RBFOX1: variants seen among roughly 807,000 people sequenced by gnomAD.
RBFOX1 encodes the protein RNA binding fox-1 homolog 1.
A neutral mutation model predicts 57.7 loss-of-function variants in RBFOX1; 8 were observed. The observed-to-expected ratio is 0.14, with a 90% CI of 0.08 to 0.25. RBFOX1 has a LOEUF of 0.25. Among genes scored for constraint, RBFOX1 ranks in the 10% least tolerant of loss-of-function variants. The probability of loss-of-function intolerance (pLI) is 1.00; values close to 1 mark genes in which losing one functional copy is unlikely to be tolerated. For missense variants in RBFOX1, 611 were observed against 548.5 expected (o/e 1.11, Z -1.14); for synonymous variants, 326 against 222.4 (o/e 1.47, Z -4.15).
intron 3 of RBFOX1, among the ~76,000 whole-genome samples, chr16:5,787,720 C>T (rs370022739): frequency 7.9e-5 from 12 of 152,290 alleles, no homozygotes; most frequent in African/African-American, 2.9e-4. Context: ...GAGAGGGTGA[C>T]ACCACCAGCC....
chr16:7,180,719 A>G (rs1215780877), intron 4 of RBFOX1, among the ~76,000 whole-genome samples: 1 of 151,612 alleles, frequency 6.6e-6, no homozygotes. Context: ...ATGATGAAAA[A>G]AAAAAAAAAA....
intron 4 of RBFOX1, among the ~76,000 whole-genome samples, chr16:7,162,176 A>C (rs2078467321): frequency 6.6e-6 from 1 of 152,116 alleles, no homozygotes; most frequent in African/African-American, 2.4e-5. Flanking sequence ...ATGTGCCAAT[A>C]ATGGCAGAAT....
At chr16:6,362,958 CAG>C in intron 2 of RBFOX1, among the ~76,000 whole-genome samples, 1 of 152,182 alleles carries the variant, frequency 6.6e-6, no homozygotes, top group Middle Eastern at 3.2e-3. Flanking sequence ...AAAGGTTGTA[CAG>C]CCTGCCACCT....
intron 2 of RBFOX1, among the ~76,000 whole-genome samples, chr16:6,367,116 C>T (rs1001931779): frequency 6.6e-6 from 1 of 152,160 alleles, no homozygotes; most frequent in Non-Finnish European, 1.5e-5. Context: ...CACCTCGATG[C>T]AGGTGATAAA....
intron 1 of RBFOX1, among the ~76,000 whole-genome samples, chr16:5,423,108 A>G: frequency 8.0e-6 from 1 of 124,704 alleles, no homozygotes; most frequent in African/African-American, 3.0e-5. Context: ...GAGGAGGGAG[A>G]GGGAGGAAGG....
chr16:7,120,655 A>G (rs1006065771), intron 4 of RBFOX1, among the ~76,000 whole-genome samples: 1 of 150,594 alleles, frequency 6.6e-6, no homozygotes, highest in Non-Finnish European at 1.5e-5. Flanking sequence ...TCAGACACAA[A>G]TGGTTTCATT....
intron 1 of RBFOX1, among the ~76,000 whole-genome samples, chr16:6,313,647 C>T (rs1295922535): frequency 6.6e-6 from 1 of 152,148 alleles, no homozygotes; most frequent in African/African-American, 2.4e-5. Flanking sequence ...CACCTTCATT[C>T]TGCCTGACTT....
At chr16:6,184,609 G>C (rs950015529) in intron 1 of RBFOX1, among the ~76,000 whole-genome samples, 11 of 152,160 alleles carry the variant, frequency 7.2e-5, no homozygotes, top group African/African-American at 2.7e-4. Context: ...GCCCAGGCTG[G>C]AGTGCAGTGG....
intron 2 of RBFOX1, among the ~76,000 whole-genome samples, chr16:6,582,621 C>G (rs1023575674): frequency 3.9e-5 from 6 of 151,960 alleles, no homozygotes; most frequent in Non-Finnish European, 7.4e-5. Flanking sequence ...ATCGTAGATC[C>G]AAGAGGTCAA....
At chr16:7,495,539 G>C (rs901745820) in intron 4 of RBFOX1, among the ~76,000 whole-genome samples, 1 of 152,110 alleles carries the variant, frequency 6.6e-6, no homozygotes, top group Non-Finnish European at 1.5e-5. Flanking sequence ...GTATCTCACT[G>C]TGGTTTAGAT....
At chr16:6,945,102 A>T (rs892467524) in intron 3 of RBFOX1, among the ~76,000 whole-genome samples, 2 of 152,140 alleles carry the variant, frequency 1.3e-5, no homozygotes, top group African/African-American at 4.8e-5. Flanking sequence ...TCTGCACCCA[A>T]CGTCCCTTTG....
At chr16:5,529,867 C>G (rs982985245) in intron 2 of RBFOX1, among the ~76,000 whole-genome samples, 1 of 152,142 alleles carries the variant, frequency 6.6e-6, no homozygotes, top group Non-Finnish European at 1.5e-5. Flanking sequence ...CGTGCCTGTC[C>G]TCAGTGTCCT....
chr16:6,416,082 C>A (rs1295394244), intron 2 of RBFOX1, among the ~76,000 whole-genome samples: 1 of 152,190 alleles, frequency 6.6e-6, no homozygotes, highest in Non-Finnish European at 1.5e-5. Flanking sequence ...CGGTAATTCA[C>A]CTGCATGAAT....
At chr16:6,833,072 A>G (rs1054991133) in intron 3 of RBFOX1, among the ~76,000 whole-genome samples, 1 of 149,558 alleles carries the variant, frequency 6.7e-6, no homozygotes, top group Non-Finnish European at 1.5e-5. Context: ...TTTCCACCTC[A>G]TGGTCTTTGA....
At chr16:7,393,634 G>C (rs78364393) in intron 4 of RBFOX1, among the ~76,000 whole-genome samples, 2,951 of 152,180 alleles carry the variant, frequency 0.019, 93 homozygotes, top group African/African-American at 0.068. Flanking sequence ...GGGAAACATA[G>C]CCTCAGCCTG....
At chr16:6,473,093 T>A (rs1194139935) in intron 2 of RBFOX1, among the ~76,000 whole-genome samples, 1 of 152,160 alleles carries the variant, frequency 6.6e-6, no homozygotes, top group African/African-American at 2.4e-5. Context: ...CCCCTAGTCT[T>A]CTGCCCGGGG....
intron 3 of RBFOX1, among the ~76,000 whole-genome samples, chr16:6,681,716 C>G (rs2058681120): frequency 6.6e-6 from 1 of 150,844 alleles, no homozygotes; most frequent in African/African-American, 2.4e-5. Flanking sequence ...AATGTTCAAA[C>G]TTATCTGACG....
At chr16:7,182,520 G>A (rs529933735) in intron 4 of RBFOX1, among the ~76,000 whole-genome samples, 41 of 152,294 alleles carry the variant, frequency 2.7e-4, no homozygotes, top group African/African-American at 9.9e-4. Flanking sequence ...ATGGTGAACT[G>A]TTGTTATAGA....
intron 4 of RBFOX1, among the ~76,000 whole-genome samples, chr16:7,464,954 C>T (rs1171848316): frequency 2.0e-5 from 3 of 151,946 alleles, no homozygotes; most frequent in Non-Finnish European, 4.4e-5. Flanking sequence ...ACCTCGGCCT[C>T]CCAAAGTGCT....
Sources: gnomAD v4.1 joint callset for allele counts (sites outside exome capture counted in the v4.1 genomes callset) on GRCh38, gnomAD v4.1.1 for gene constraint, MANE v1.5 for transcripts, NCBI Gene and HGNC (gene_info 2026-07-23, HGNC 2026-07-21) for gene names.